CA10: variants seen among roughly 807,000 people sequenced by gnomAD.
The protein encoded by CA10 is carbonic anhydrase-related protein 10.
In CA10, 14 loss-of-function variants were observed where a neutral mutation model predicts 44.2. That is an observed-to-expected ratio of 0.32 (90% CI 0.21 to 0.50). The LOEUF (loss-of-function observed/expected upper bound fraction) is 0.50, where lower values mean the gene tolerates loss of function less well. Among genes scored for constraint, CA10 ranks in the 20% least tolerant of loss-of-function variants. The pLI, the probability that CA10 is intolerant of heterozygous loss-of-function variation, is 0.99. For synonymous variants in CA10, 159 were observed against 141.6 expected, an observed-to-expected ratio of 1.12 and a Z score of -0.87; for missense variants, 350 against 409.7, an observed-to-expected ratio of 0.85 and a Z score of 1.26.
At chr17:52,079,509 T>G (rs1215659379) in intron 1 of CA10, among the ~76,000 whole-genome samples, 1 of 151,872 alleles carries the variant, frequency 6.6e-6, no homozygotes, top group Admixed American at 6.6e-5. Context: ...ACATAATAAG[T>G]GCCAGAAAAA....
chr17:51,683,552 CA>C (rs1914914996), intron 4 of CA10, among the ~76,000 whole-genome samples: 1 of 152,156 alleles, frequency 6.6e-6, no homozygotes, highest in Non-Finnish European at 1.5e-5. Flanking sequence ...GTTGATACCC[CA>C]ATTATCTGTG....
chr17:51,719,416 A>G (rs937508766), intron 4 of CA10, among the ~76,000 whole-genome samples: 4 of 152,220 alleles, frequency 2.6e-5, no homozygotes, highest in Admixed American at 1.3e-4. Context: ...GGGAAGATCC[A>G]TGGTGTATTT....
intron 4 of CA10, among the ~76,000 whole-genome samples, chr17:51,726,247 G>C (rs1916518022): frequency 7.7e-6 from 1 of 129,240 alleles, no homozygotes; most frequent in Non-Finnish European, 1.7e-5. Context: ...TTCTCTGAGA[G>C]GCTGATCTAC....
chr17:51,703,363 G>A (rs1915661540), intron 4 of CA10, among the ~76,000 whole-genome samples: 2 of 152,144 alleles, frequency 1.3e-5, no homozygotes, highest in East Asian at 3.9e-4. Flanking sequence ...TCTTTCCATG[G>A]AAAGATAATG....
intron 1 of CA10, among the ~76,000 whole-genome samples, chr17:52,126,992 G>A (rs1989133674): frequency 1.3e-5 from 2 of 152,090 alleles, no homozygotes; most frequent in Admixed American, 6.6e-5. Flanking sequence ...TTATATATTT[G>A]TATATTTATT....
At chr17:51,871,275 A>G (rs1244809488) in intron 3 of CA10, among the ~76,000 whole-genome samples, 1 of 151,320 alleles carries the variant, frequency 6.6e-6, no homozygotes, top group Non-Finnish European at 1.5e-5. Context: ...CTTGTTGCCC[A>G]GGCTGGAGTG....
At chr17:51,889,207 A>G (rs1980745830) in intron 3 of CA10, among the ~76,000 whole-genome samples, 1 of 152,130 alleles carries the variant, frequency 6.6e-6, no homozygotes, top group Admixed American at 6.6e-5. Context: ...ACATTCTGTT[A>G]CTTATACAGG....
chr17:52,065,385 T>C (rs1302184895), intron 2 of CA10, among the ~76,000 whole-genome samples: 1 of 152,198 alleles, frequency 6.6e-6, no homozygotes. Context: ...GTCTCCCGAG[T>C]CAAGCCTTTG....
intron 4 of CA10, among the ~76,000 whole-genome samples, chr17:51,685,787 G>A (rs1914988811): frequency 6.6e-6 from 1 of 152,168 alleles, no homozygotes; most frequent in Non-Finnish European, 1.5e-5. Context: ...CCCTGTTGTA[G>A]GAAAATAACC....
chr17:52,129,519 A>C (rs143157510), intron 1 of CA10, among the ~76,000 whole-genome samples: 1 of 152,234 alleles, frequency 6.6e-6, no homozygotes, highest in African/African-American at 2.4e-5. Flanking sequence ...TGGATATACT[A>C]TGTGGTGAAT....
At chr17:52,010,105 T>C (rs1233487231) in intron 2 of CA10, among the ~76,000 whole-genome samples, 3 of 151,878 alleles carry the variant, frequency 2.0e-5, no homozygotes, top group Non-Finnish European at 4.4e-5. Flanking sequence ...AAATAATAGA[T>C]GTTGGCATGG....
At chr17:52,035,058 G>C (rs1341886633) in intron 2 of CA10, among the ~76,000 whole-genome samples, 1 of 152,134 alleles carries the variant, frequency 6.6e-6, no homozygotes, top group Admixed American at 6.5e-5. Flanking sequence ...AGCCAGAAAA[G>C]GGTGAGTCTC....
intron 3 of CA10, among the ~76,000 whole-genome samples, chr17:51,768,256 C>T (rs1239186617): frequency 6.6e-6 from 1 of 151,382 alleles, no homozygotes; most frequent in South Asian, 2.1e-4. Flanking sequence ...TCATTTTGGC[C>T]TGGGATCTTG....
At chr17:51,692,366 CCT>C (rs1915229635) in intron 4 of CA10, among the ~76,000 whole-genome samples, 1 of 141,174 alleles carries the variant, frequency 7.1e-6, no homozygotes. Context: ...ACCTATCCAT[CCT>C]ATCTATCTAT....
chr17:52,054,601 G>C (rs139297195), intron 2 of CA10, among the ~76,000 whole-genome samples: 1,622 of 152,044 alleles, frequency 0.011, 30 homozygotes, highest in African/African-American at 0.037. Context: ...AAACTTGCTG[G>C]TTTTGCGGCT....
chr17:51,645,330 T>C (rs1913282040), intron 6 of CA10, among the ~76,000 whole-genome samples: 1 of 152,220 alleles, frequency 6.6e-6, no homozygotes. Flanking sequence ...TACAATGACC[T>C]TCAAGGGGCA....
At chr17:52,016,870 G>A (rs1173354586) in intron 2 of CA10, among the ~76,000 whole-genome samples, 1 of 152,232 alleles carries the variant, frequency 6.6e-6, no homozygotes, top group Non-Finnish European at 1.5e-5. Flanking sequence ...CCGATACTGT[G>A]CCACTGCCCT....
chr17:51,731,481 G>A (rs1320175669), intron 4 of CA10, among the ~76,000 whole-genome samples: 2 of 152,148 alleles, frequency 1.3e-5, no homozygotes, highest in African/African-American at 4.8e-5. Flanking sequence ...GACAAGAGAT[G>A]TGGACATATC....
intron 3 of CA10, among the ~76,000 whole-genome samples, chr17:51,908,030 A>G (rs1457262755): frequency 6.6e-6 from 1 of 152,196 alleles, no homozygotes; most frequent in Non-Finnish European, 1.5e-5. Flanking sequence ...AATAGTGAGT[A>G]AATGAATGAA....
Sources: allele counts gnomAD v4.1 joint callset (sites outside exome capture counted in the v4.1 genomes callset), GRCh38; gene constraint gnomAD v4.1.1; transcripts MANE v1.5; gene names NCBI Gene and HGNC (gene_info 2026-07-23, HGNC 2026-07-21).